Variants in ITGA8 observed in about 807,000 individuals in gnomAD.
ITGA8 encodes the protein integrin subunit alpha 8.
ITGA8 carries 91 observed loss-of-function variants against 142.3 expected under a neutral mutation model. The ratio of observed to expected loss-of-function variants is 0.64; its 90% CI spans 0.54 to 0.76. ITGA8 has a LOEUF of 0.76. Ranked by LOEUF, ITGA8 falls within the 30% of genes least tolerant of loss-of-function variation. The pLI, the probability that ITGA8 is intolerant of heterozygous loss-of-function variation, is 0.00. For missense variants in ITGA8, 1,406 were observed against 1,327.7 expected (o/e 1.06, Z -0.92); for synonymous variants, 505 against 485.2 (o/e 1.04, Z -0.54).
intron 28 of ITGA8, among the ~76,000 whole-genome samples, chr10:15,519,855 T>A (rs181070406): frequency 6.6e-6 from 1 of 152,236 alleles, no homozygotes; most frequent in Admixed American, 6.5e-5. Context: ...CATGAATCCT[T>A]GGATGTGCAA....
chr10:15,548,542 T>G lies in ITGA8; in HGVS notation c.2793A>C (p.Gln931His). Reference protein sequence around the residue: ...ILNCTNIECLQISCAVGRLEG... With the variant: ...ILNCTNIECLHISCAVGRLEG... Reference sequence around the variant, plus strand: ...CGAGTCGTCCCACTGCACAGGAGATTTGTAAACACTCGATATTTGTACAAT... The same window carrying G: ...CGAGTCGTCCCACTGCACAGGAGATGTGTAAACACTCGATATTTGTACAAT... The change falls in exon 27 of 30, where the codon CAA becomes CAC. Residue 931 changes from glutamine (Q) to histidine (H), a missense_variant. Coordinates refer to ENST00000378076, the MANE Select transcript of ITGA8 (RefSeq NM_003638.3). The G allele has an allele frequency of 6.2e-7, 1 of 1,609,594 alleles. No homozygotes were observed. Among genetic ancestry groups the G allele is most frequent in the Non-Finnish European group, 8.5e-7 (1 of 1,178,622 alleles).
intron 25 of ITGA8, among the ~76,000 whole-genome samples, chr10:15,566,369 CTTGGGCCCCAAA>C (rs1834080136): frequency 6.6e-6 from 1 of 152,170 alleles, no homozygotes; most frequent in African/African-American, 2.4e-5. Context: ...TTTTCCTGAA[CTTGGGCCCCAAA>C]TGGTGTTCCA....
chr10:15,631,474 C>T (rs1368949943), intron 13 of ITGA8, among the ~76,000 whole-genome samples: 1 of 151,770 alleles, frequency 6.6e-6, no homozygotes, highest in African/African-American at 2.4e-5. Flanking sequence ...GAACAGAAAA[C>T]CAAACACCAC....
intron 11 of ITGA8, among the ~76,000 whole-genome samples, chr10:15,652,818 A>C (rs1315508274): frequency 6.6e-6 from 1 of 152,180 alleles, no homozygotes; most frequent in Non-Finnish European, 1.5e-5. Context: ...CTGCCCTCCA[A>C]GCCACTGTCC....
At chr10:15,702,208 T>C (rs923543582) in intron 2 of ITGA8, among the ~76,000 whole-genome samples, 2 of 152,168 alleles carry the variant, frequency 1.3e-5, no homozygotes, top group Non-Finnish European at 2.9e-5. Context: ...TATACAAATA[T>C]GTGCATGCTT....
intron 13 of ITGA8, among the ~76,000 whole-genome samples, chr10:15,636,998 A>AGCG (rs1393938229): frequency 5.3e-5 from 8 of 152,196 alleles, no homozygotes; most frequent in African/African-American, 1.9e-4. Context: ...TACAAAAATT[A>AGCG]GCTGGGCGTG....
intron 13 of ITGA8, among the ~76,000 whole-genome samples, chr10:15,624,342 T>C (rs1266594252): frequency 6.6e-6 from 1 of 152,218 alleles, no homozygotes; most frequent in Non-Finnish European, 1.5e-5. Flanking sequence ...TCAATCTTCA[T>C]TGCTGAATCT....
rs538107723 is a variant in ITGA8 at position 15,613,860 on chromosome 10, G to A, written c.1446-93C>T. The A allele has an allele frequency of 2.1e-4, 175 of 829,720 alleles. No homozygotes were observed. The African/African-American group carries it at 2.7e-3, about 13-fold the overall frequency. The allele number at this position is 829,720 out of a possible 1,614,324, so 51.4% of individuals were successfully genotyped here. ...TCACTGCATACTGAACTCAGTAGTA[G>A]ACAGAATACTCCACAGGCCATTGCC... is the stretch of plus-strand genomic sequence containing the variant. On this transcript the variant is annotated intron_variant, in intron 14 of 29. Coordinates refer to ENST00000378076, the MANE Select transcript of ITGA8 (RefSeq NM_003638.3).
At chr10:15,547,913 C>T (rs949484419) in intron 27 of ITGA8, among the ~76,000 whole-genome samples, 4 of 152,126 alleles carry the variant, frequency 2.6e-5, no homozygotes, top group African/African-American at 9.7e-5. Flanking sequence ...AGTACATTTT[C>T]TGATCTATTC....
chr10:15,593,012 CAAT>C (rs1185169201), intron 21 of ITGA8, among the ~76,000 whole-genome samples: 1 of 152,192 alleles, frequency 6.6e-6, no homozygotes, highest in Non-Finnish European at 1.5e-5. Flanking sequence ...TAACAATCAA[CAAT>C]GAGTGAAGGT....
Position 15,709,210 on chromosome 10 carries a change from C to T in ITGA8, c.343+9556G>A, listed in dbSNP as rs114556682. ...AAAACCTTTTCTGTTCATTTTCGTA[C>T]AAAAGAATAACGTGCAAGAGATTTT... On this transcript the variant is annotated intron_variant, in intron 2 of 29. Transcript: ENST00000378076. Among the ~76,000 whole-genome samples, 171 of 152,296 alleles carry T rather than the reference C, an allele frequency of 1.1e-3. 1 individual carries two copies. Among genetic ancestry groups the T allele is most frequent in the African/African-American group, 4.0e-3 (165 of 41,560 alleles).
chr10:15,710,308 T>A (rs897447159), intron 2 of ITGA8, among the ~76,000 whole-genome samples: 2 of 152,232 alleles, frequency 1.3e-5, no homozygotes, highest in Non-Finnish European at 2.9e-5. Flanking sequence ...CTTTGTAGAC[T>A]TCATTTTTAA....
intron 4 of ITGA8, among the ~76,000 whole-genome samples, 176 bp from the exon 5 acceptor site, chr10:15,678,959 G>A (rs1248359126): frequency 6.6e-6 from 1 of 152,056 alleles, no homozygotes; most frequent in African/African-American, 2.4e-5. Flanking sequence ...ACATATTTCT[G>A]TCTGTTTTCT....
At position 15,646,913 on chromosome 10, in the gene ITGA8, G is replaced by A. The variant is rs748377171; in HGVS notation, c.1140C>T (p.Thr380=). The A allele has an allele frequency of 5.6e-6, 9 of 1,613,984 alleles. No homozygotes were observed. The highest frequency in any genetic ancestry group is 5.9e-6 in the Non-Finnish European group (7 of 1,180,002). ...CACTACCGAATCTCCCAAACGTCTC[G>A]GTGCCAGTGAGGATCTGGGGGTCTC... ...LFRDPQILTG[T]ETFGRFGSAM... Residue 380 remains threonine, a synonymous_variant, in exon 12 of 30, where the codon ACC becomes ACT. Coordinates refer to ENST00000378076, the MANE Select transcript of ITGA8 (RefSeq NM_003638.3).
chr10:15,623,672 TGAGAC>T (rs2131626380), intron 13 of ITGA8, among the ~76,000 whole-genome samples: 1 of 152,040 alleles, frequency 6.6e-6, no homozygotes, highest in East Asian at 1.9e-4. Flanking sequence ...GGTGGCAGAG[TGAGAC>T]TCCATCTCAA....
At chr10:15,698,404 T>A (rs1835096999) in intron 2 of ITGA8, among the ~76,000 whole-genome samples, 1 of 152,198 alleles carries the variant, frequency 6.6e-6, no homozygotes, top group African/African-American at 2.4e-5. Context: ...TATAATGACT[T>A]CTTTTCATCT....
chr10:15,680,216 C>CTTTTTTTTTTTTTTTTT (rs71374638), intron 4 of ITGA8, among the ~76,000 whole-genome samples: 4 of 54,278 alleles, frequency 7.4e-5, no homozygotes, highest in African/African-American at 2.5e-4. Flanking sequence ...CCAGATGCTC[C>CTTTTTTTTTTTTTTTTT]TTTTTTTTTT....
chr10:15,520,077 G>T (rs1301917676), intron 28 of ITGA8, among the ~76,000 whole-genome samples: 1 of 152,160 alleles, frequency 6.6e-6, no homozygotes, highest in Non-Finnish European at 1.5e-5. Context: ...CAAAGTGAAT[G>T]TTCAATTTTT....
chr10:15,656,323 A>G (rs1410005513), intron 10 of ITGA8, among the ~76,000 whole-genome samples: 1 of 152,014 alleles, frequency 6.6e-6, no homozygotes, highest in East Asian at 1.9e-4. Context: ...CTTTTCCATG[A>G]GTGTACACAG....
Sources: gnomAD v4.1 joint callset for allele counts (sites outside exome capture counted in the v4.1 genomes callset) on GRCh38, gnomAD v4.1.1 for gene constraint, MANE v1.5 for transcripts, NCBI Gene and HGNC (gene_info 2026-07-23, HGNC 2026-07-21) for gene names.